PLAGL1: variants seen among roughly 807,000 people sequenced by gnomAD.
PLAGL1 encodes PLAG1 like zinc finger 1, also known as zinc finger protein PLAGL1.
PLAGL1 carries 1 observed loss-of-function variant against 4.6 expected under a neutral mutation model. That is an observed-to-expected ratio of 0.22 (90% CI 0.08 to 1.03). PLAGL1 has a LOEUF of 1.03. Ranked by LOEUF, PLAGL1 falls within the 50% of genes least tolerant of loss-of-function variation. The pLI is 0.58. For synonymous variants in PLAGL1, 240 were observed against 237.8 expected, an observed-to-expected ratio of 1.01 and a Z score of -0.08; for missense variants, 464 against 570.4, an observed-to-expected ratio of 0.81 and a Z score of 1.90.
chr6:143,997,857 C>T lies in PLAGL1; in HGVS notation c.-584+10233G>A, dbSNP rs76002191. ...TCTTGAATGTGGTTACACAGGTGTG[C>T]GTATGTGTGTGTGTGTATAAACTCA... On this transcript the variant is annotated intron_variant, in intron 1 of 7. Transcript: ENST00000674357. This position sits in a 1 kb window ranked among gnomAD's most constrained non-coding sequence, Gnocchi z 4.6. 8.6e-5 allele frequency among the ~76,000 whole-genome samples: 13 copies of T among 152,044 alleles called. No homozygotes were observed. Among genetic ancestry groups the T allele is most frequent in the East Asian group, 7.7e-4 (4 of 5,170 alleles).
rs574835310 is a variant in PLAGL1, at chr6:144,061,152, C to A, written c.-151+3316G>T. On this transcript the variant is annotated intron_variant, in intron 1 of 3. Transcript: ENST00000437412. The surrounding 1 kb of genome is among the most constrained non-coding windows in gnomAD (Gnocchi z 4.4). Reference sequence around the variant, plus strand: ...TGTAACAGACATGCATGATTACAGCCTTTGTTCCTTTTCACTCCAGGGAGA... The same window carrying A: ...TGTAACAGACATGCATGATTACAGCATTTGTTCCTTTTCACTCCAGGGAGA... Among the ~76,000 whole-genome samples the A allele has an allele frequency of 1.3e-5, 2 of 152,216 alleles. No homozygotes were observed. The highest frequency in any genetic ancestry group is 2.9e-5 in the Non-Finnish European group (2 of 68,044).
At position 143,972,026 on chromosome 6, in the gene PLAGL1, G is replaced by T. The variant is rs1321643497; in HGVS notation, c.-543-3048C>A. Among the ~76,000 whole-genome samples the T allele has an allele frequency of 6.6e-6, 1 of 152,198 alleles. No homozygotes were observed. The highest frequency in any genetic ancestry group is 1.9e-4 in the East Asian group (1 of 5,198). On this transcript the variant is annotated intron_variant, in intron 2 of 7. Coordinates refer to ENST00000674357, the MANE Select transcript of PLAGL1 (RefSeq NM_001317162.2). The surrounding 1 kb of genome is among the most constrained non-coding windows in gnomAD (Gnocchi z 6.8). ...GACAAACTTGCTAAAGCAAAAAAGGGCATAATAGTTCTCTGCAGAGGAAGA... is the reference window on the plus strand; with the variant it reads ...GACAAACTTGCTAAAGCAAAAAAGGTCATAATAGTTCTCTGCAGAGGAAGA...
Position 144,021,241 on chromosome 6 carries a change from T to C in PLAGL1, c.-151+43227A>G, listed in dbSNP as rs185114289. Among the ~76,000 whole-genome samples, 398 of 152,270 alleles carry C rather than the reference T, an allele frequency of 2.6e-3. 4 individuals are homozygous for C. Among genetic ancestry groups the C allele is most frequent in the African/African-American group, 9.1e-3 (378 of 41,546 alleles). ...GCTGAAGCTGAAAAAGGACTTCACATGCTGGATTTATTTGATAACATTGTA... is the reference window on the plus strand; with the variant it reads ...GCTGAAGCTGAAAAAGGACTTCACACGCTGGATTTATTTGATAACATTGTA... On this transcript the variant is annotated intron_variant, in intron 1 of 3. Coordinates refer to the PLAGL1 transcript ENST00000437412.
chr6:143,941,145 C>CTT lies in PLAGL1; in HGVS notation c.*277_*278dup. 1 of 274,226 alleles carries CTT rather than the reference C, an allele frequency of 3.6e-6. No homozygotes were observed. The highest frequency in any genetic ancestry group is 6.8e-6 in the Non-Finnish European group (1 of 146,694). 17.0% of individuals were successfully genotyped at this position (274,226 alleles called of 1,614,324 possible). A position where few individuals can be genotyped will look rare whatever the true frequency, so the allele number is the denominator to read the frequency against. On this transcript the variant is annotated 3_prime_UTR_variant, in exon 8 of 8. Coordinates refer to ENST00000674357, the MANE Select transcript of PLAGL1 (RefSeq NM_001317162.2). The surrounding 1 kb of genome is among the most constrained non-coding windows in gnomAD (Gnocchi z 6.0). ...ACGATTAAATTCCATATGACAAACA[C>CTT]TTATATATAGCAGCCGTCATTTTGG...
chr6:143,976,721 C>T (rs1786631154), intron 2 of PLAGL1, among the ~76,000 whole-genome samples: 1 of 152,140 alleles, frequency 6.6e-6, no homozygotes, highest in Admixed American at 6.5e-5. Flanking sequence ...TGTTTCTATC[C>T]TAAGAGCCGG....
At position 143,994,535 on chromosome 6, in the gene PLAGL1, C is replaced by G; in HGVS notation, c.-583-9361G>C. 6.6e-6 allele frequency among the ~76,000 whole-genome samples: 1 copy of G among 152,190 alleles called. No individual in the cohort carries two copies. The highest frequency in any genetic ancestry group is 1.5e-5 in the Non-Finnish European group (1 of 68,026). Reference sequence around the variant, plus strand: ...CCTACTTCACAGTAGCTCTTGAAATCTCAAGTAGGAACGAAATGAAACTAA... The same window carrying G: ...CCTACTTCACAGTAGCTCTTGAAATGTCAAGTAGGAACGAAATGAAACTAA... On this transcript the variant is annotated intron_variant, in intron 1 of 7. Transcript: ENST00000674357. This position sits in a 1 kb window ranked among gnomAD's most constrained non-coding sequence, Gnocchi z 4.3.
rs1208438792 is a variant in PLAGL1 at position 143,982,796 on chromosome 6, A to G, written c.-544+2339T>C. Reference sequence around the variant, plus strand: ...TGCAACTGGAAGAAGAGTCTTCCTCATCTCGGTAAATGGCTACTTAGGATG... The same window carrying G: ...TGCAACTGGAAGAAGAGTCTTCCTCGTCTCGGTAAATGGCTACTTAGGATG... On this transcript the variant is annotated intron_variant, in intron 2 of 7. Coordinates refer to ENST00000674357, the MANE Select transcript of PLAGL1 (RefSeq NM_001317162.2). The surrounding 1 kb of genome is among the most constrained non-coding windows in gnomAD (Gnocchi z 5.3). Among the ~76,000 whole-genome samples, 3 of 152,124 alleles carry G rather than the reference A, an allele frequency of 2.0e-5. No individual in the cohort carries two copies. The highest frequency in any genetic ancestry group is 1.3e-4 in the Admixed American group (2 of 15,264).
rs543597119 is a variant in PLAGL1 at position 143,963,456 on chromosome 6, C to A, written c.-399+1331G>T. ...GCTATGCAATAGCCATCAGAGCTCC[C>A]GGATCCTCACCAGGTGATGGCTACT... On this transcript the variant is annotated intron_variant, in intron 5 of 7. Transcript: ENST00000674357. The surrounding 1 kb of genome is among the most constrained non-coding windows in gnomAD (Gnocchi z 6.1). Among the ~76,000 whole-genome samples the A allele has an allele frequency of 6.6e-6, 1 of 152,190 alleles. No individual in the cohort carries two copies. Among genetic ancestry groups the A allele is most frequent in the South Asian group, 2.1e-4 (1 of 4,832 alleles).
At chr6:143,992,960 AGAGT>A (rs1790796869) in intron 1 of PLAGL1, among the ~76,000 whole-genome samples, 2 of 151,528 alleles carry the variant, frequency 1.3e-5, no homozygotes, top group East Asian at 2.0e-4. Context: ...CCTGGGTGAC[AGAGT>A]GAGTGAGACT....
At position 143,964,412 on chromosome 6, in the gene PLAGL1, A is replaced by C. The variant is rs1191361149; in HGVS notation, c.-399+375T>G. Among the ~76,000 whole-genome samples the C allele has an allele frequency of 6.6e-6, 1 of 152,154 alleles. No homozygotes were observed. Among genetic ancestry groups the C allele is most frequent in the Non-Finnish European group, 1.5e-5 (1 of 68,004 alleles). ...GAAGCACCTAAATCTTACTGACATG[A>C]AATTTTCCTCTAGGTTGGCAGAATG... On this transcript the variant is annotated intron_variant, in intron 5 of 7. Coordinates refer to ENST00000674357, the MANE Select transcript of PLAGL1 (RefSeq NM_001317162.2). This position sits in a 1 kb window ranked among gnomAD's most constrained non-coding sequence, Gnocchi z 4.3.
Position 143,945,697 on chromosome 6 carries a change from G to T in PLAGL1, c.152+2288C>A, listed in dbSNP as rs954644431. 6.6e-6 allele frequency among the ~76,000 whole-genome samples: 1 copy of T among 152,110 alleles called. No homozygotes were observed. Among genetic ancestry groups the T allele is most frequent in the Non-Finnish European group, 1.5e-5 (1 of 68,010 alleles). The stretch of plus-strand genomic sequence containing the variant: ...TCACCATGGTGGCCAGGATTATCTC[G>T]ATCTGTTGACCTCATGATCCACCCA... On this transcript the variant is annotated intron_variant, in intron 7 of 7. Transcript: ENST00000674357. This position sits in a 1 kb window ranked among gnomAD's most constrained non-coding sequence, Gnocchi z 4.2.
Position 143,953,666 on chromosome 6 carries a change from C to A in PLAGL1, c.-324-5206G>T, listed in dbSNP as rs1034617749. Among the ~76,000 whole-genome samples the A allele has an allele frequency of 6.6e-6, 1 of 152,072 alleles. No homozygotes were observed. The highest frequency in any genetic ancestry group is 2.4e-5 in the African/African-American group (1 of 41,374). Reference sequence around the variant, plus strand: ...ATAGTGGGATTTTTCTAAAACACAGCCTAATATAAAAGGGAGAAAACAACA... The same window carrying A: ...ATAGTGGGATTTTTCTAAAACACAGACTAATATAAAAGGGAGAAAACAACA... On this transcript the variant is annotated intron_variant, in intron 6 of 7. Transcript: ENST00000674357. This position sits in a 1 kb window ranked among gnomAD's most constrained non-coding sequence, Gnocchi z 5.3.
Position 143,971,158 on chromosome 6 carries a change from T to G in PLAGL1, c.-543-2180A>C, listed in dbSNP as rs976597467. Among the ~76,000 whole-genome samples, 1 of 152,106 alleles carries G rather than the reference T, an allele frequency of 6.6e-6. No individual in the cohort carries two copies. The highest frequency in any genetic ancestry group is 2.1e-4 in the South Asian group (1 of 4,830). ...GAGAGTCTACCAATGATCAAAGTCA[T>G]GGTAATTTTTCTGTTTCATGAGAAA... On this transcript the variant is annotated intron_variant, in intron 2 of 7. Transcript: ENST00000674357. The surrounding 1 kb of genome is among the most constrained non-coding windows in gnomAD (Gnocchi z 4.7).
rs916035133 is a variant in PLAGL1 at position 144,048,753 on chromosome 6, C to T, written c.-151+15715G>A. Among the ~76,000 whole-genome samples, 6 of 152,290 alleles carry T rather than the reference C, an allele frequency of 3.9e-5. No homozygotes were observed. Among genetic ancestry groups the T allele is most frequent in the Non-Finnish European group, 2.9e-5 (2 of 68,020 alleles). ...GCTGCCAAGAAGGTCTCTAACATGC[C>T]CTGAAATGTTTTCCCCATCATCTTG... On this transcript the variant is annotated intron_variant, in intron 1 of 3. Coordinates refer to the PLAGL1 transcript ENST00000437412. The surrounding 1 kb of genome is among the most constrained non-coding windows in gnomAD (Gnocchi z 4.8).
intron 1 of PLAGL1, among the ~76,000 whole-genome samples, chr6:144,062,990 C>T (rs1283326712): frequency 3.3e-5 from 5 of 152,190 alleles, no homozygotes; most frequent in African/African-American, 1.2e-4. Flanking sequence ...AAACCATCCT[C>T]CACCGGCTGG....
At chr6:144,058,197 A>G (rs1799129964) in intron 1 of PLAGL1, among the ~76,000 whole-genome samples, 1 of 152,194 alleles carries the variant, frequency 6.6e-6, no homozygotes, top group Non-Finnish European at 1.5e-5. Flanking sequence ...GCAGAAGGTG[A>G]CAGGGACCCA....
Position 144,048,812 on chromosome 6 carries a change from A to C in PLAGL1, c.-151+15656T>G, listed in dbSNP as rs1798365508. Among the ~76,000 whole-genome samples the C allele has an allele frequency of 6.6e-6, 1 of 152,184 alleles. No homozygotes were observed. The highest frequency in any genetic ancestry group is 1.5e-5 in the Non-Finnish European group (1 of 68,034). ...TATGTGGCTCCTCATTACTCATGCA[A>C]ATTTCTGCAGCTGGCTTGAATTCCT... On this transcript the variant is annotated intron_variant, in intron 1 of 3. Coordinates refer to the PLAGL1 transcript ENST00000437412. The surrounding 1 kb of genome is among the most constrained non-coding windows in gnomAD (Gnocchi z 4.8).
intron 1 of PLAGL1, among the ~76,000 whole-genome samples, chr6:144,057,927 G>T (rs955438603): frequency 6.6e-6 from 1 of 152,058 alleles, no homozygotes; most frequent in Admixed American, 6.5e-5. Context: ...ACCAAGATTA[G>T]GCTGAGCCAA....
In PLAGL1 at chr6:144,022,134, C is replaced by A. The variant is rs1796018735; in HGVS notation, c.-151+42334G>T. Among the ~76,000 whole-genome samples the A allele has an allele frequency of 6.6e-6, 1 of 151,966 alleles. No homozygotes were observed. Among genetic ancestry groups the A allele is most frequent in the South Asian group, 2.1e-4 (1 of 4,824 alleles). ...AACCACAGATTGGTAGAATTATTTGCAAATCACATATCTGAGAAATAACTT... is the reference window on the plus strand; with the variant it reads ...AACCACAGATTGGTAGAATTATTTGAAAATCACATATCTGAGAAATAACTT... On this transcript the variant is annotated intron_variant, in intron 1 of 3. Transcript: ENST00000437412. The surrounding 1 kb of genome is among the most constrained non-coding windows in gnomAD (Gnocchi z 4.2).
Sources: allele counts gnomAD v4.1 joint callset (sites outside exome capture counted in the v4.1 genomes callset), GRCh38; gene constraint gnomAD v4.1.1; non-coding constraint Gnocchi (gnomAD v3.1); transcripts MANE v1.5; gene names NCBI Gene and HGNC (gene_info 2026-07-23, HGNC 2026-07-21).